Variants in SH3PXD2B observed in about 807,000 individuals in gnomAD.
SH3PXD2B encodes the protein SH3 and PX domains 2B, also known as SH3 and PX domain-containing protein 2B.
Under a neutral mutation model 73.1 loss-of-function variants are expected in SH3PXD2B, and 37 were observed. The observed-to-expected ratio is 0.51, with a 90% CI of 0.39 to 0.67. SH3PXD2B has a LOEUF of 0.67. Ranked by LOEUF, SH3PXD2B falls within the 30% of genes least tolerant of loss-of-function variation. The pLI, the probability that SH3PXD2B is intolerant of heterozygous loss-of-function variation, is 0.00. For synonymous variants in SH3PXD2B, 457 were observed against 480.5 expected, an observed-to-expected ratio of 0.95 and a Z score of 0.64; for missense variants, 1,053 against 1,197.8, an observed-to-expected ratio of 0.88 and a Z score of 1.78.
intron 1 of SH3PXD2B, among the ~76,000 whole-genome samples, chr5:172,443,231 GT>G (rs1759587734): frequency 6.6e-6 from 1 of 152,198 alleles, no homozygotes; most frequent in Non-Finnish European, 1.5e-5. Flanking sequence ...CGACTGTCAA[GT>G]AAGATGAAAA....
At chr5:172,327,389 A>C (rs1756466304) in intron 12 of SH3PXD2B, among the ~76,000 whole-genome samples, 1 of 152,166 alleles carries the variant, frequency 6.6e-6, no homozygotes. Context: ...TAAAGCCCAG[A>C]ATTGTTCCTT....
intron 2 of SH3PXD2B, among the ~76,000 whole-genome samples, chr5:172,420,556 G>A (rs182128594): frequency 2.6e-4 from 40 of 152,334 alleles, no homozygotes; most frequent in Admixed American, 6.5e-4. Flanking sequence ...ACAGGATGAT[G>A]TACAAAGGAC....
At chr5:172,434,919 G>A (rs1269225056) in intron 1 of SH3PXD2B, among the ~76,000 whole-genome samples, 1 of 152,058 alleles carries the variant, frequency 6.6e-6, no homozygotes, top group African/African-American at 2.4e-5. Flanking sequence ...AAGTAGCTGG[G>A]ATTACAGGCA....
At chr5:172,348,634 C>CTTATCT (rs1561896310) in intron 10 of SH3PXD2B, among the ~76,000 whole-genome samples, 5 of 67,594 alleles carry the variant, frequency 7.4e-5, no homozygotes, top group Admixed American at 1.5e-4. Flanking sequence ...ATGTATCTAT[C>CTTATCT]TATGTATCTA....
At chr5:172,333,009 C>G (rs1389504751), downstream of SH3PXD2B, among the ~76,000 whole-genome samples, 1 of 150,936 alleles carries the variant, frequency 6.6e-6, no homozygotes, top group African/African-American at 2.4e-5. Context: ...GATGTCGACT[C>G]ACTGCAACCT....
At chr5:172,395,896 G>C (rs1008194022) in intron 3 of SH3PXD2B, among the ~76,000 whole-genome samples, 1 of 151,848 alleles carries the variant, frequency 6.6e-6, no homozygotes, top group Non-Finnish European at 1.5e-5. Flanking sequence ...GACCTACTAA[G>C]AGCTCTCTCT....
chr5:172,393,173 A>G (rs934622620), intron 4 of SH3PXD2B, among the ~76,000 whole-genome samples: 3 of 152,250 alleles, frequency 2.0e-5, no homozygotes, highest in Non-Finnish European at 4.4e-5. Context: ...CCATTTTAAC[A>G]ATATTGAGTC....
chr5:172,373,849 C>A, intron 5 of SH3PXD2B, 34 bp from the exon 6 acceptor site: 1 of 1,612,012 alleles, frequency 6.2e-7, no homozygotes, highest in Non-Finnish European at 8.5e-7. Flanking sequence ...GGAAGAGTAA[C>A]GAGTCAGTAC....
chr5:172,442,649 C>T (rs967380495), intron 1 of SH3PXD2B, among the ~76,000 whole-genome samples: 2 of 152,056 alleles, frequency 1.3e-5, no homozygotes, highest in African/African-American at 4.8e-5. Context: ...CCAGATGGCC[C>T]GTGTCACATC....
intron 8 of SH3PXD2B, among the ~76,000 whole-genome samples, chr5:172,357,306 C>A (rs1365914308): frequency 6.6e-6 from 1 of 151,232 alleles, no homozygotes; most frequent in Non-Finnish European, 1.5e-5. Flanking sequence ...TGCCTGTAAT[C>A]TCAGCTACTC....
In SH3PXD2B at chr5:172,325,482, G is replaced by A. The variant is rs1451310091; in HGVS notation, c.1189-102C>T. On this transcript the variant is annotated intron_variant, in intron 12 of 12. Transcript: ENST00000519643. Reference sequence around the variant, plus strand: ...GTCTGTTTGTCTATAACAGCATACCGCAGACTGAGTAATTTATAAAGAACA... The same window carrying A: ...GTCTGTTTGTCTATAACAGCATACCACAGACTGAGTAATTTATAAAGAACA... 4.4e-6 allele frequency: 3 copies of A among 686,880 alleles called. 1 individual carries two copies. The highest frequency in any genetic ancestry group is 7.4e-6 in the Non-Finnish European group (3 of 403,184). The allele number at this position is 686,880 out of a possible 1,614,324, so 42.5% of individuals were successfully genotyped here.
chr5:172,398,301 G>C, intron 3 of SH3PXD2B, among the ~76,000 whole-genome samples: 1 of 152,054 alleles, frequency 6.6e-6, no homozygotes, highest in South Asian at 2.1e-4. Flanking sequence ...TACATAAATT[G>C]GATTGTGAAA....
At chr5:172,407,204 C>T (rs1002664376) in intron 2 of SH3PXD2B, among the ~76,000 whole-genome samples, 8 of 152,204 alleles carry the variant, frequency 5.3e-5, no homozygotes, top group Non-Finnish European at 1.0e-4. Flanking sequence ...AAGTCATTAA[C>T]GCTGTTGTCA....
chr5:172,327,147 A>T (rs1756461570), intron 12 of SH3PXD2B, among the ~76,000 whole-genome samples: 1 of 152,188 alleles, frequency 6.6e-6, no homozygotes, highest in African/African-American at 2.4e-5. Context: ...GGCATGAACC[A>T]CCGCGCCTGG....
intron 10 of SH3PXD2B, among the ~76,000 whole-genome samples, chr5:172,349,132 G>A (rs890267024): frequency 1.3e-5 from 2 of 152,232 alleles, no homozygotes; most frequent in African/African-American, 2.4e-5. Flanking sequence ...ACAAACTCGG[G>A]GATGGCCAGA....
At chr5:172,417,622 T>C (rs548006562) in intron 2 of SH3PXD2B, among the ~76,000 whole-genome samples, 8 of 152,308 alleles carry the variant, frequency 5.3e-5, no homozygotes, top group Middle Eastern at 3.4e-3. Context: ...CCCAGCCCTG[T>C]CTAATCCCAA....
At chr5:172,374,099 G>C (rs1004271819) in intron 5 of SH3PXD2B, among the ~76,000 whole-genome samples, 1 of 152,198 alleles carries the variant, frequency 6.6e-6, no homozygotes, top group Admixed American at 6.5e-5. Context: ...ATTGCAGTTT[G>C]AAAATAGGAG....
chr5:172,338,098 G>A lies in SH3PXD2B; in HGVS notation c.*271C>T. The A allele has an allele frequency of 7.3e-7, 1 of 1,374,470 alleles. No individual in the cohort carries two copies. Among genetic ancestry groups the A allele is most frequent in the Non-Finnish European group, 9.4e-7 (1 of 1,063,126 alleles). The allele number at this position is 1,374,470 out of a possible 1,614,324, so 85.1% of individuals were successfully genotyped here. A position where few individuals can be genotyped will look rare whatever the true frequency, so the allele number is the denominator to read the frequency against. On this transcript the variant is annotated 3_prime_UTR_variant, in exon 13 of 13. Coordinates refer to ENST00000311601, the MANE Select transcript of SH3PXD2B (RefSeq NM_001017995.3). This position sits in a 1 kb window ranked among gnomAD's most constrained non-coding sequence, Gnocchi z 5.1. ...TGGGTGGCAATGCCATTGGCCAGGA[G>A]GAGTTCTCTTAAGGCAGGGATGCTG...
At chr5:172,395,035 A>AAT (rs1758264621) in intron 3 of SH3PXD2B, among the ~76,000 whole-genome samples, 1 of 152,060 alleles carries the variant, frequency 6.6e-6, no homozygotes, top group South Asian at 2.1e-4. Flanking sequence ...TGCCCTCAGC[A>AAT]ATAGTTCAGT....
Sources: allele counts gnomAD v4.1 joint callset (sites outside exome capture counted in the v4.1 genomes callset), GRCh38; gene constraint gnomAD v4.1.1; non-coding constraint Gnocchi (gnomAD v3.1); transcripts MANE v1.5; gene names NCBI Gene and HGNC (gene_info 2026-07-23, HGNC 2026-07-21).